The following NOP58 variants were observed in gnomAD, a reference collection of about 807,000 sequenced individuals.
The protein encoded by NOP58 is NOP58 ribonucleoprotein.
NOP58 carries 44 observed loss-of-function variants against 71.2 expected under a neutral mutation model. The observed-to-expected ratio is 0.62, with a 90% CI of 0.49 to 0.79. The LOEUF is 0.79. Among genes scored for constraint, NOP58 ranks in the 30% least tolerant of loss-of-function variants. NOP58 has a pLI of 0.00. For synonymous variants in NOP58, 228 were observed against 200.3 expected (o/e 1.14, Z -1.17); for missense variants, 538 against 620.2 (o/e 0.87, Z 1.41).
At chr2:202,278,689 A>T (rs1245039700) in intron 3 of NOP58, among the ~76,000 whole-genome samples, 1 of 152,180 alleles carries the variant, frequency 6.6e-6, no homozygotes, top group South Asian at 2.1e-4. Flanking sequence ...TAAATTTTCA[A>T]CTGCCTGAAT....
intron 13 of NOP58, among the ~76,000 whole-genome samples, chr2:202,300,585 A>C (rs953863585): frequency 2.0e-5 from 3 of 152,216 alleles, no homozygotes; most frequent in African/African-American, 7.2e-5. Flanking sequence ...CAAATTAGGT[A>C]TTTTACTAAG....
intron 13 of NOP58, among the ~76,000 whole-genome samples, chr2:202,300,634 A>G (rs1488892555): frequency 6.6e-6 from 1 of 152,242 alleles, no homozygotes; most frequent in African/African-American, 2.4e-5. Context: ...AACTATTTGG[A>G]GAATTAAGAG....
intron 12 of NOP58, among the ~76,000 whole-genome samples, chr2:202,299,147 T>C (rs540424839): frequency 6.6e-6 from 1 of 151,448 alleles, no homozygotes; most frequent in Non-Finnish European, 1.5e-5. Flanking sequence ...TTTAGTAGAG[T>C]CGGGGTTTCA....
At chr2:202,297,730 A>G in intron 11 of NOP58, 115 bp from the exon 12 acceptor site, 1 of 821,244 alleles carries the variant, frequency 1.2e-6, no homozygotes, top group Non-Finnish European at 1.9e-6. Flanking sequence ...AAATAACAAA[A>G]CAAAAAATAG....
chr2:202,290,532 ATT>A, intron 7 of NOP58, 75 bp downstream of exon 7: 1 of 1,311,392 alleles, frequency 7.6e-7, no homozygotes, highest in East Asian at 2.4e-5. Context: ...GACGTATAGC[ATT>A]TTGTTAAGCA....
intron 3 of NOP58, among the ~76,000 whole-genome samples, chr2:202,280,156 C>T (rs1574379980): frequency 6.6e-6 from 1 of 152,132 alleles, no homozygotes; most frequent in African/African-American, 2.4e-5. Flanking sequence ...GACAGAACCA[C>T]AACTAAATGG....
chr2:202,276,349 A>G (rs1688589459), intron 2 of NOP58: 1 of 296,766 alleles, frequency 3.4e-6, no homozygotes, highest in Non-Finnish European at 7.1e-6. Flanking sequence ...CCAAAAAAAA[A>G]AAAAAAGATG....
rs1688927921 is a variant in NOP58 at position 202,292,891 on chromosome 2, A to G, written c.895A>G (p.Ile299Val). 6.2e-7 allele frequency: 1 copy of G among 1,614,146 alleles called. No individual in the cohort carries two copies. Among genetic ancestry groups the G allele is most frequent in the Non-Finnish European group, 8.5e-7 (1 of 1,179,956 alleles). Reference protein sequence around the residue: ...MVGELVGARLIAHAGSLLNLA... With the variant: ...MVGELVGARLVAHAGSLLNLA... ...TGGGGAATTAGTTGGAGCACGGCTTATTGCTCATGCAGGTGATGGTTTTAA... is the reference window on the plus strand; with the variant it reads ...TGGGGAATTAGTTGGAGCACGGCTTGTTGCTCATGCAGGTGATGGTTTTAA... Residue 299 changes from isoleucine (I) to valine (V), a missense_variant, in exon 9 of 15, where the codon ATT becomes GTT. By Grantham distance (29) the Ile-to-Val change is conservative. Transcript: ENST00000264279.
intron 10 of NOP58, 128 bp from the exon 11 acceptor site, chr2:202,297,251 T>C: frequency 3.7e-6 from 3 of 820,508 alleles, no homozygotes; most frequent in Non-Finnish European, 5.4e-6. Flanking sequence ...TGGCAAAGGT[T>C]GAAATACGAT....
intron 5 of NOP58, among the ~76,000 whole-genome samples, chr2:202,286,105 C>A (rs1688780876): frequency 6.8e-6 from 1 of 148,146 alleles, no homozygotes; most frequent in Non-Finnish European, 1.5e-5. Flanking sequence ...TGGCGTGAAC[C>A]CGGGAGGCAG....
chr2:202,301,365 A>G (rs1441647224), intron 13 of NOP58, among the ~76,000 whole-genome samples: 3 of 151,564 alleles, frequency 2.0e-5, no homozygotes, highest in African/African-American at 4.9e-5. Context: ...TTTTATTTTT[A>G]GTAGAGACAG....
chr2:202,292,009 C>T (rs1688910204), intron 8 of NOP58, among the ~76,000 whole-genome samples: 1 of 55,906 alleles, frequency 1.8e-5, no homozygotes, highest in Non-Finnish European at 3.4e-5. Flanking sequence ...TTTTTTGAGA[C>T]AGAGTCTCAC....
At chr2:202,291,038 T>A in intron 7 of NOP58, 87 bp from the exon 8 acceptor site, 3 of 1,241,018 alleles carry the variant, frequency 2.4e-6, no homozygotes, top group Non-Finnish European at 3.3e-6. Context: ...TTTCATTGGC[T>A]TTCTACTTTT....
chr2:202,265,827 C>G lies in NOP58; in HGVS notation c.-115C>G, dbSNP rs1688403150. ...CTGATTCTTTGCGGGACGGCGAGCG[C>G]ATTTGTGCTTTGCCCGCCGCGGCCT... On this transcript the variant is annotated 5_prime_UTR_variant, in exon 1 of 15. Coordinates refer to ENST00000264279, the MANE Select transcript of NOP58 (RefSeq NM_015934.5). 1.8e-6 allele frequency: 2 copies of G among 1,103,554 alleles called. No individual in the cohort carries two copies. The highest frequency in any genetic ancestry group is 3.6e-5 in the Admixed American group (2 of 55,604). The allele number at this position is 1,103,554 out of a possible 1,614,324, so 68.4% of individuals were successfully genotyped here. A position where few individuals can be genotyped will look rare whatever the true frequency, so the allele number is the denominator to read the frequency against.
intron 13 of NOP58, among the ~76,000 whole-genome samples, chr2:202,302,495 G>C (rs1372410816): frequency 6.6e-6 from 1 of 152,150 alleles, no homozygotes; most frequent in Non-Finnish European, 1.5e-5. Flanking sequence ...ATCAGTAACA[G>C]TCCAGTAAGA....
chr2:202,269,253 C>T (rs1688475095), intron 1 of NOP58, among the ~76,000 whole-genome samples: 1 of 150,540 alleles, frequency 6.6e-6, no homozygotes, highest in Non-Finnish European at 1.5e-5. Context: ...CTCACTGCAA[C>T]CTCCGCCTCC....
intron 9 of NOP58, among the ~76,000 whole-genome samples, chr2:202,293,575 T>A (rs1014320265): frequency 6.6e-6 from 1 of 152,208 alleles, no homozygotes; most frequent in African/African-American, 2.4e-5. Flanking sequence ...GTGTTTAAAA[T>A]GGCATAACTC....
At chr2:202,281,141 T>TC (rs539480981) in intron 3 of NOP58, among the ~76,000 whole-genome samples, 210 of 151,822 alleles carry the variant, frequency 1.4e-3, no homozygotes, top group African/African-American at 4.9e-3. Context: ...CTTTTTCTTT[T>TC]TTTTTTTTTA....
intron 9 of NOP58, among the ~76,000 whole-genome samples, chr2:202,293,377 T>C (rs1197832965): frequency 6.6e-6 from 1 of 152,230 alleles, no homozygotes; most frequent in Admixed American, 6.5e-5. Context: ...TTCAAAAATA[T>C]TTTCAACAAC....
Sources: gnomAD v4.1 joint callset for allele counts (sites outside exome capture counted in the v4.1 genomes callset) on GRCh38, gnomAD v4.1.1 for gene constraint, MANE v1.5 for transcripts, NCBI Gene and HGNC (gene_info 2026-07-23, HGNC 2026-07-21) for gene names.